ZDHHC2: variants seen among roughly 807,000 people sequenced by gnomAD.
The protein encoded by ZDHHC2 is zDHHC palmitoyltransferase 2, also known as palmitoyltransferase ZDHHC2.
A neutral mutation model predicts 55.6 loss-of-function variants in ZDHHC2; 51 were observed. The ratio of observed to expected loss-of-function variants is 0.92; its 90% CI spans 0.73 to 1.16. The LOEUF is 1.16. Among genes scored for constraint, ZDHHC2 ranks in the 50% most tolerant of loss-of-function variants. The probability of loss-of-function intolerance (pLI) is 0.00; values close to 1 mark genes in which losing one functional copy is unlikely to be tolerated. For synonymous variants in ZDHHC2, 199 were observed against 152.9 expected (o/e 1.30, Z -2.22); for missense variants, 491 against 442.4 (o/e 1.11, Z -0.99).
At chr8:17,170,245 C>G (rs1360511145) in intron 1 of ZDHHC2, among the ~76,000 whole-genome samples, 1 of 152,154 alleles carries the variant, frequency 6.6e-6, no homozygotes, top group African/African-American at 2.4e-5. Flanking sequence ...TGACCCAATA[C>G]TGAAGGGTGA....
chr8:17,209,941 G>C lies in ZDHHC2; in HGVS notation c.740G>C (p.Arg247Thr). ...SKNKSTLEAF[R>T]SPVFRHGTDK... Reference sequence around the variant, plus strand: ...TACCATCTTTTTTTAGAGGCATTCAGAAGTCCAGTATTTCGACATGGAACA... The same window carrying C: ...TACCATCTTTTTTTAGAGGCATTCACAAGTCCAGTATTTCGACATGGAACA... The change falls in exon 9 of 13, where the codon AGA becomes ACA. Residue 247 changes from arginine to threonine, a missense_variant. By Grantham distance (71) the Arg-to-Thr change is moderately conservative. Coordinates refer to ENST00000262096, the MANE Select transcript of ZDHHC2 (RefSeq NM_016353.5). 6.2e-7 allele frequency: 1 copy of C among 1,608,050 alleles called. No homozygotes were observed. The highest frequency in any genetic ancestry group is 8.5e-7 in the Non-Finnish European group (1 of 1,177,498).
intron 1 of ZDHHC2, among the ~76,000 whole-genome samples, chr8:17,179,895 T>C (rs1275265367): frequency 6.6e-6 from 1 of 152,178 alleles, no homozygotes; most frequent in African/African-American, 2.4e-5. Flanking sequence ...AGATTAGAAA[T>C]TGCTAAAGCA....
At chr8:17,174,402 G>A (rs140290518) in intron 1 of ZDHHC2, among the ~76,000 whole-genome samples, 35 of 152,282 alleles carry the variant, frequency 2.3e-4, no homozygotes, top group African/African-American at 8.2e-4. Context: ...CTTGGAATGC[G>A]ATGAACACCT....
intron 1 of ZDHHC2, 107 bp downstream of exon 1, chr8:17,156,960 C>T (rs1585626198): frequency 1.6e-5 from 17 of 1,092,462 alleles, no homozygotes; most frequent in Non-Finnish European, 1.9e-5. Context: ...GCGCCCCGGG[C>T]GCTGCCAACC....
chr8:17,212,468 C>T (rs1329373060), intron 10 of ZDHHC2, among the ~76,000 whole-genome samples: 1 of 152,122 alleles, frequency 6.6e-6, no homozygotes. Context: ...ATCCTGGATT[C>T]CTCTCTTTCA....
intron 1 of ZDHHC2, among the ~76,000 whole-genome samples, chr8:17,168,288 A>G (rs1345949264): frequency 6.6e-6 from 1 of 152,230 alleles, no homozygotes; most frequent in East Asian, 1.9e-4. Flanking sequence ...CTAGCTAGGC[A>G]TACACAGCTC....
intron 11 of ZDHHC2, among the ~76,000 whole-genome samples, chr8:17,215,699 A>T (rs1585744409): frequency 6.6e-6 from 1 of 152,216 alleles, no homozygotes; most frequent in African/African-American, 2.4e-5. Flanking sequence ...TCTACTGAAA[A>T]GGACCTTAAA....
At chr8:17,185,002 C>A (rs1297661815) in intron 2 of ZDHHC2, among the ~76,000 whole-genome samples, 187 bp downstream of exon 2, 1 of 152,128 alleles carries the variant, frequency 6.6e-6, no homozygotes, top group Non-Finnish European at 1.5e-5. Context: ...AGAATTCTAT[C>A]CTGAAATGGC....
intron 8 of ZDHHC2, 149 bp downstream of exon 8, chr8:17,208,241 A>G: frequency 3.0e-6 from 2 of 673,888 alleles, no homozygotes; most frequent in Non-Finnish European, 4.5e-6. Context: ...TATGTCGCTT[A>G]GACACATACA....
At chr8:17,170,699 A>G (rs1804816702) in intron 1 of ZDHHC2, among the ~76,000 whole-genome samples, 1 of 152,216 alleles carries the variant, frequency 6.6e-6, no homozygotes, top group African/African-American at 2.4e-5. Context: ...AGGAACTCTC[A>G]GCATTGTCCT....
intron 1 of ZDHHC2, among the ~76,000 whole-genome samples, chr8:17,179,169 C>G (rs1805306822): frequency 6.6e-6 from 1 of 152,120 alleles, no homozygotes; most frequent in Non-Finnish European, 1.5e-5. Flanking sequence ...CCGGGCCAAT[C>G]TCAAACTCCT....
rs1434713022 is a variant in ZDHHC2, at chr8:17,156,780, C to T, written c.57C>T (p.Tyr19=). The T allele has an allele frequency of 2.6e-6, 4 of 1,519,560 alleles. No homozygotes were observed. The highest frequency in any genetic ancestry group is 2.6e-6 in the Non-Finnish European group (3 of 1,132,582). 94.1% of individuals were successfully genotyped at this position (1,519,560 alleles called of 1,614,324 possible). The change falls in exon 1 of 13, where the codon TAC becomes TAT. Residue 19 remains tyrosine, a synonymous_variant. Coordinates refer to ENST00000262096, the MANE Select transcript of ZDHHC2 (RefSeq NM_016353.5). ...SARRRCRRVL[Y]WIPVVFITLL... Reference sequence around the variant, plus strand: ...GGCGGCGGTGCCGGCGGGTGCTGTACTGGATCCCGGTGGTGTTCATCACCC... The same window carrying T: ...GGCGGCGGTGCCGGCGGGTGCTGTATTGGATCCCGGTGGTGTTCATCACCC...
intron 3 of ZDHHC2, among the ~76,000 whole-genome samples, chr8:17,194,817 T>C (rs1806222816): frequency 6.6e-6 from 1 of 152,190 alleles, no homozygotes; most frequent in South Asian, 2.1e-4. Context: ...CTTTTTTTTG[T>C]ATTTCAAACA....
chr8:17,216,173 C>T (rs1222272899), intron 11 of ZDHHC2, among the ~76,000 whole-genome samples: 2 of 152,152 alleles, frequency 1.3e-5, no homozygotes, highest in Non-Finnish European at 2.9e-5. Flanking sequence ...AACCTTTTCT[C>T]CTTCGTTTCT....
At chr8:17,157,801 C>G (rs1003493038) in intron 1 of ZDHHC2, among the ~76,000 whole-genome samples, 1 of 152,176 alleles carries the variant, frequency 6.6e-6, no homozygotes, top group African/African-American at 2.4e-5. Context: ...AACAAAGTGT[C>G]TGTTTTTGCC....
chr8:17,183,306 A>G (rs928232372), intron 1 of ZDHHC2, among the ~76,000 whole-genome samples: 2 of 152,188 alleles, frequency 1.3e-5, no homozygotes, highest in African/African-American at 4.8e-5. Context: ...ACTTTTGAAG[A>G]CAGGGTGTAG....
chr8:17,170,847 C>T (rs1804821213), intron 1 of ZDHHC2, among the ~76,000 whole-genome samples: 1 of 152,172 alleles, frequency 6.6e-6, no homozygotes, highest in East Asian at 1.9e-4. Context: ...GGACGTTTTG[C>T]ATGCTACCAA....
chr8:17,189,300 T>G (rs1805901513), intron 3 of ZDHHC2, among the ~76,000 whole-genome samples: 1 of 152,034 alleles, frequency 6.6e-6, no homozygotes, highest in Non-Finnish European at 1.5e-5. Flanking sequence ...CCCACTACCC[T>G]CGGCTTTCCC....
chr8:17,207,875 A>C (rs1285328603), intron 7 of ZDHHC2, 85 bp from the exon 8 acceptor site: 1 of 1,165,862 alleles, frequency 8.6e-7, no homozygotes, highest in Non-Finnish European at 1.1e-6. Flanking sequence ...TTAAGCAAAA[A>C]AAAAAATCTT....
Sources: gnomAD v4.1 joint callset for allele counts (sites outside exome capture counted in the v4.1 genomes callset) on GRCh38, gnomAD v4.1.1 for gene constraint, MANE v1.5 for transcripts, NCBI Gene and HGNC (gene_info 2026-07-23, HGNC 2026-07-21) for gene names.